The following CYGB variants were observed in gnomAD, a reference collection of about 807,000 sequenced individuals.
The protein encoded by CYGB is histoglobin.
CYGB carries 13 observed loss-of-function variants against 20.7 expected under a neutral mutation model. The ratio of observed to expected loss-of-function variants is 0.63; its 90% confidence interval spans 0.41 to 1.00. The LOEUF (loss-of-function observed/expected upper bound fraction) is 1.00, where lower values mean the gene tolerates loss of function less well. CYGB is among the 50% of genes least tolerant of loss of function. The probability of loss-of-function intolerance (pLI) is 0.00; values close to 1 mark genes in which losing one functional copy is unlikely to be tolerated. For missense variants in CYGB, 218 were observed against 257.2 expected, an observed-to-expected ratio of 0.85 and a Z score of 1.04; for synonymous variants, 93 against 107.4, an observed-to-expected ratio of 0.87 and a Z score of 0.83.
chr17:76,544,888 G>C (rs189599263), intron 1 of CYGB: 11 of 456,766 alleles, frequency 2.4e-5, no homozygotes, highest in South Asian at 1.7e-4. Context: ...CCAGGGCAGC[G>C]CCCCTCCACG....
At chr17:76,542,513 G>A (rs191841395), upstream of CYGB, 54 of 1,612,154 alleles carry the variant, frequency 3.3e-5, no homozygotes, top group South Asian at 3.4e-4. Flanking sequence ...TGGGAAGGTC[G>A]TGCCCTTCAA....
At chr17:76,551,090 G>T (rs1242017463) in exon 1 of CYGB, 1 of 152,238 alleles carries the variant, frequency 6.6e-6, no homozygotes, top group African/African-American at 2.4e-5. Flanking sequence ...CACCAGGAAG[G>T]TGCCACGATG....
chr17:76,540,545 T>C, upstream of CYGB: 1 of 1,613,390 alleles, frequency 6.2e-7, no homozygotes, highest in Non-Finnish European at 8.5e-7. The surrounding 1 kb of genome is among the most constrained non-coding windows in gnomAD (Gnocchi z 5.0). Flanking sequence ...GGGCAGCAGC[T>C]TGGATGCGGA....
At chr17:76,534,461 G>A (rs1030842704) in intron 1 of CYGB, among the ~76,000 whole-genome samples, 1 of 152,216 alleles carries the variant, frequency 6.6e-6, no homozygotes, top group African/African-American at 2.4e-5. Context: ...TTACAGGTGT[G>A]AGCCACGGTG....
rs542199787 is a variant in CYGB, at chr17:76,547,742, CACAA to C, written c.-53+3116_-53+3119del. ...ACACATACATTCACACACACACATA[CACAA>C]ACACAGTCATATACCTATACAAACA... On this transcript the variant is annotated intron_variant, in intron 1 of 3. Transcript: ENST00000589145. Among the ~76,000 whole-genome samples the C allele has an allele frequency of 1.8e-3, 271 of 150,806 alleles. 2 individuals carry two copies. In the Middle Eastern group the frequency reaches 0.021, roughly 11 times the overall value.
At chr17:76,542,943 C>G (rs3803740) in intron 1 of CYGB, 1 of 535,398 alleles carries the variant, frequency 1.9e-6, no homozygotes. Context: ...AAGGGAGAGG[C>G]GGTGCTCGGA....
At chr17:76,549,716 A>G (rs140024021) in intron 1 of CYGB, among the ~76,000 whole-genome samples, 421 of 152,384 alleles carry the variant, frequency 2.8e-3, no homozygotes, top group African/African-American at 9.4e-3. Flanking sequence ...TGAGATATAT[A>G]AAGATAGAAT....
intron 3 of CYGB, chr17:76,529,825 G>A: frequency 1.0e-6 from 1 of 985,376 alleles, no homozygotes; most frequent in Non-Finnish European, 1.2e-6. Flanking sequence ...AGGCAGGCCA[G>A]GGCCCAGCTG....
At chr17:76,547,270 C>T (rs1027987279) in intron 1 of CYGB, 14 of 152,480 alleles carry the variant, frequency 9.2e-5, no homozygotes, top group African/African-American at 3.1e-4. Context: ...TCATCACCCA[C>T]AGTCACTGCA....
chr17:76,544,144 C>A, intron 1 of CYGB: 1 of 454,598 alleles, frequency 2.2e-6, no homozygotes, highest in Non-Finnish European at 4.4e-6. Flanking sequence ...CAGGAGCAGA[C>A]CCTGCAGGCA....
Position 76,530,730 on chromosome 17 carries a change from A to AG in CYGB, c.539+248dup, listed in dbSNP as rs2074826827. Reference sequence around the variant, plus strand: ...TCTGAGCTCTCCCTGGCTCTAGGGAAGGGGAAGGCTCTTTGGGAGGATTTT... The same window carrying AG: ...TCTGAGCTCTCCCTGGCTCTAGGGAAGGGGGAAGGCTCTTTGGGAGGATTTT... On this transcript the variant is annotated intron_variant, in intron 3 of 3. Coordinates refer to ENST00000293230, the MANE Select transcript of CYGB (RefSeq NM_134268.5). The surrounding 1 kb of genome is among the most constrained non-coding windows in gnomAD (Gnocchi z 6.1). 6.6e-6 allele frequency among the ~76,000 whole-genome samples: 1 copy of AG among 152,110 alleles called. No individual in the cohort carries two copies. The highest frequency in any genetic ancestry group is 2.1e-4 in the South Asian group (1 of 4,832).
intron 1 of CYGB, among the ~76,000 whole-genome samples, chr17:76,536,442 G>A (rs1247868591): frequency 6.6e-6 from 1 of 152,188 alleles, no homozygotes; most frequent in Non-Finnish European, 1.5e-5. Context: ...CCTCTGCCAA[G>A]AAGAGGGGCT....
At chr17:76,541,145 G>A (rs2074988299), upstream of CYGB, among the ~76,000 whole-genome samples, 3 of 152,192 alleles carry the variant, frequency 2.0e-5, no homozygotes, top group African/African-American at 7.2e-5. Flanking sequence ...GGGTGAAGTT[G>A]GGGGAACTTC....
rs768646733 is a variant in CYGB, at chr17:76,530,999, C to A, written c.519G>T (p.Gln173His). ...CTCACGTGGTGGCGTTGGGGACCTG[C>A]TGCACCCAGCCCACTTCCTTGTAGG... ...TAAYKEVGWV[Q>H]QVPNATTPPA... The change falls in exon 3 of 4, where the codon CAG (glutamine) becomes CAT (histidine). Residue 173 changes from glutamine to histidine, a missense_variant. Coordinates refer to ENST00000293230, the MANE Select transcript of CYGB (RefSeq NM_134268.5). This position sits in a 1 kb window ranked among gnomAD's most constrained non-coding sequence, Gnocchi z 6.1. 2.5e-6 allele frequency: 4 copies of A among 1,610,450 alleles called. No homozygotes were observed. In the South Asian group the frequency reaches 4.4e-5, roughly 18 times the overall value.
chr17:76,535,632 G>T (rs1044958473), intron 1 of CYGB, among the ~76,000 whole-genome samples: 4 of 152,142 alleles, frequency 2.6e-5, no homozygotes, highest in African/African-American at 9.7e-5. Context: ...ACCTCCCCCA[G>T]CCCAGGCCCA....
chr17:76,528,522 C>T lies in CYGB; in HGVS notation c.*56G>A. 1 of 1,265,384 alleles carries T rather than the reference C, an allele frequency of 7.9e-7. No homozygotes were observed. The highest frequency in any genetic ancestry group is 1.0e-6 in the Non-Finnish European group (1 of 988,726). The allele number at this position is 1,265,384 out of a possible 1,614,324, so 78.4% of individuals were successfully genotyped here. On this transcript the variant is annotated 3_prime_UTR_variant, in exon 4 of 4. Transcript: ENST00000293230. This position sits in a 1 kb window ranked among gnomAD's most constrained non-coding sequence, Gnocchi z 5.8. Reference sequence around the variant, plus strand: ...GAAATGGAGCGTCAAGGAGGGTCTTCAGAACTCGGCCTTCTGCTCGAGGTG... The same window carrying T: ...GAAATGGAGCGTCAAGGAGGGTCTTTAGAACTCGGCCTTCTGCTCGAGGTG...
intron 1 of CYGB, chr17:76,549,870 A>G (rs947077387): frequency 2.6e-5 from 4 of 152,278 alleles, no homozygotes; most frequent in Non-Finnish European, 5.9e-5. Flanking sequence ...TGATAGTGAC[A>G]GAAGGCATCA....
In CYGB at chr17:76,531,176, C is replaced by T; in HGVS notation, c.376-34G>A. ...AAAGGGAGGAAGGGGGAGTGAACGCCCGGGCGCCCTGCGTCCTGCAACCCC... is the reference window on the plus strand; with the variant it reads ...AAAGGGAGGAAGGGGGAGTGAACGCTCGGGCGCCCTGCGTCCTGCAACCCC... On this transcript the variant is annotated intron_variant, in intron 2 of 3. Transcript: ENST00000293230. This position sits in a 1 kb window ranked among gnomAD's most constrained non-coding sequence, Gnocchi z 7.4. 6.3e-7 allele frequency: 1 copy of T among 1,598,306 alleles called. No homozygotes were observed.
chr17:76,543,718 C>G, intron 1 of CYGB: 1 of 467,192 alleles, frequency 2.1e-6, no homozygotes, highest in South Asian at 1.6e-5. Context: ...AGGAGCTATT[C>G]TGTTAAGCCG....
Sources: gnomAD v4.1 joint callset for allele counts (sites outside exome capture counted in the v4.1 genomes callset) on GRCh38, gnomAD v4.1.1 for gene constraint, Gnocchi (gnomAD v3.1) non-coding constraint, MANE v1.5 for transcripts, NCBI Gene and HGNC (gene_info 2026-07-23, HGNC 2026-07-21) for gene names.